Variants in TCF4 observed in about 807,000 individuals in gnomAD.
TCF4 encodes transcription factor 4, also known as SL3-3 enhancer factor 2.
TCF4 carries 3 observed loss-of-function variants against 82.1 expected under a neutral mutation model. The observed-to-expected ratio is 0.04, with a 90% confidence interval of 0.02 to 0.09. TCF4 has a LOEUF of 0.09. TCF4 is among the 10% of genes least tolerant of loss of function. TCF4 has a pLI of 1.00. For missense variants in TCF4, 518 were observed against 852.7 expected (o/e 0.61, Z 4.89); for synonymous variants, 276 against 309.6 (o/e 0.89, Z 1.14).
At chr18:55,301,788 T>TAAAA (rs10652622) in intron 8 of TCF4, among the ~76,000 whole-genome samples, 1,767 of 56,222 alleles carry the variant, frequency 0.031, 61 homozygotes, top group Non-Finnish European at 0.036. Context: ...CCAAAAACTG[T>TAAAA]AAAAAAAAAA....
chr18:55,262,228 T>C (rs1203818745), intron 11 of TCF4, among the ~76,000 whole-genome samples: 1 of 152,214 alleles, frequency 6.6e-6, no homozygotes, highest in Admixed American at 6.5e-5. Flanking sequence ...CTGGTATTTT[T>C]ATCTACAAAA....
intron 8 of TCF4, among the ~76,000 whole-genome samples, chr18:55,336,454 T>A (rs2078661923): frequency 6.6e-6 from 1 of 152,152 alleles, no homozygotes; most frequent in South Asian, 2.1e-4. Flanking sequence ...CATATAATTA[T>A]CTATTGTATG....
chr18:55,351,588 C>T (rs1030656277), intron 6 of TCF4, among the ~76,000 whole-genome samples: 2 of 152,028 alleles, frequency 1.3e-5, no homozygotes, highest in Non-Finnish European at 2.9e-5. Flanking sequence ...AGCAGATATT[C>T]CAAGCTAACA....
At chr18:55,300,734 C>CGG (rs1453240957) in intron 8 of TCF4, among the ~76,000 whole-genome samples, 1 of 152,076 alleles carries the variant, frequency 6.6e-6, no homozygotes, top group Non-Finnish European at 1.5e-5. Flanking sequence ...CACCCTCCTC[C>CGG]CTCCCACCTT....
intron 5 of TCF4, among the ~76,000 whole-genome samples, chr18:55,405,714 CAA>C (rs2094052523): frequency 6.6e-6 from 1 of 151,450 alleles, no homozygotes; most frequent in Non-Finnish European, 1.5e-5. Context: ...AGGAGAAAAA[CAA>C]AGAGAGGAAG....
chr18:55,548,494 T>A (rs892173152), intron 3 of TCF4, among the ~76,000 whole-genome samples: 2 of 152,202 alleles, frequency 1.3e-5, no homozygotes, highest in East Asian at 1.9e-4. Flanking sequence ...CTTTTTTTTT[T>A]AACTCAATCT....
At chr18:55,279,125 G>A (rs1047969845) in intron 9 of TCF4, among the ~76,000 whole-genome samples, 3 of 152,178 alleles carry the variant, frequency 2.0e-5, no homozygotes, top group African/African-American at 7.2e-5. Flanking sequence ...AAATTAGTAA[G>A]TGGGTGAAAA....
intron 2 of TCF4, among the ~76,000 whole-genome samples, chr18:55,598,534 C>G (rs1363095112): frequency 6.6e-6 from 1 of 152,106 alleles, no homozygotes; most frequent in Non-Finnish European, 1.5e-5. Flanking sequence ...TAAGATGTGC[C>G]TGAGAAGAAC....
chr18:55,503,434 T>C (rs2096721467), intron 3 of TCF4, among the ~76,000 whole-genome samples: 2 of 152,180 alleles, frequency 1.3e-5, no homozygotes, highest in Admixed American at 6.5e-5. Flanking sequence ...ATTTCATTCA[T>C]TCTCAAAAGC....
chr18:55,459,543 A>G (rs555250907), intron 5 of TCF4, among the ~76,000 whole-genome samples: 14 of 152,356 alleles, frequency 9.2e-5, no homozygotes, highest in African/African-American at 3.4e-4. Context: ...TCTCAAGACT[A>G]CATTTTCAAG....
At chr18:55,351,292 C>T (rs903093767) in intron 6 of TCF4, 9 of 369,814 alleles carry the variant, frequency 2.4e-5, no homozygotes, top group African/African-American at 1.9e-4. Context: ...AAACAAATGG[C>T]ATTTATATAA....
intron 3 of TCF4, chr18:55,482,113 T>C (rs892012713): frequency 6.6e-6 from 1 of 152,194 alleles, no homozygotes; most frequent in Non-Finnish European, 1.5e-5. Context: ...GGATCTACTA[T>C]ATTAGCAAGG....
chr18:55,415,882 A>T (rs1207176906), intron 5 of TCF4, among the ~76,000 whole-genome samples: 1 of 152,208 alleles, frequency 6.6e-6, no homozygotes, highest in Admixed American at 6.5e-5. Flanking sequence ...CACTTAGCAA[A>T]GTCTCTTTTA....
intron 8 of TCF4, among the ~76,000 whole-genome samples, chr18:55,300,044 G>A (rs2067675340): frequency 6.6e-6 from 1 of 151,844 alleles, no homozygotes; most frequent in South Asian, 2.1e-4. Flanking sequence ...TCCCTATGCA[G>A]CAGATGCACA....
At chr18:55,396,846 C>T (rs2093524905) in intron 6 of TCF4, among the ~76,000 whole-genome samples, 1 of 152,060 alleles carries the variant, frequency 6.6e-6, no homozygotes, top group Admixed American at 6.6e-5. Context: ...TGTTATGACA[C>T]TTATATAAAA....
At chr18:55,251,938 T>TTTTTG (rs2055310284) in intron 15 of TCF4, among the ~76,000 whole-genome samples, 1 of 151,380 alleles carries the variant, frequency 6.6e-6, no homozygotes, top group South Asian at 2.1e-4. Context: ...AGGTTTTTTT[T>TTTTTG]TTTTTTTTTT....
intron 10 of TCF4, among the ~76,000 whole-genome samples, chr18:55,274,908 A>G (rs1440697541): frequency 2.0e-5 from 3 of 152,174 alleles, no homozygotes; most frequent in African/African-American, 7.2e-5. Flanking sequence ...TCCAGGATAA[A>G]GAGACATACT....
rs183847910 is a variant in TCF4, at chr18:55,527,130, C to T, written c.145+58150G>A. Among the ~76,000 whole-genome samples, 28 of 152,314 alleles carry T rather than the reference C, an allele frequency of 1.8e-4. No homozygotes were observed. The East Asian group carries it at 3.9e-3, about 21-fold the overall frequency. ...ATAGTAACCTCACGCATCTGTGCTT[C>T]CCTCTGCCAAGAAGTCTGCAAAGCC... On this transcript the variant is annotated intron_variant, in intron 3 of 19. Coordinates refer to ENST00000354452, the MANE Select transcript of TCF4 (RefSeq NM_001083962.2).
At chr18:55,375,711 C>A (rs952626324) in intron 6 of TCF4, among the ~76,000 whole-genome samples, 1 of 151,988 alleles carries the variant, frequency 6.6e-6, no homozygotes, top group South Asian at 2.1e-4. Flanking sequence ...ATAAAAAAGA[C>A]AACTTTCCTA....
Sources: gnomAD v4.1 joint callset for allele counts (sites outside exome capture counted in the v4.1 genomes callset) on GRCh38, gnomAD v4.1.1 for gene constraint, MANE v1.5 for transcripts, NCBI Gene and HGNC (gene_info 2026-07-23, HGNC 2026-07-21) for gene names.